The following AATF variants were observed in gnomAD, a reference collection of about 807,000 sequenced individuals.
AATF encodes the protein protein AATF.
Under a neutral mutation model 63.7 loss-of-function variants are expected in AATF, and 48 were observed. That is an observed-to-expected ratio of 0.75 (90% confidence interval 0.60 to 0.96). The LOEUF (loss-of-function observed/expected upper bound fraction) is 0.96, where lower values mean the gene tolerates loss of function less well. Ranked by LOEUF, AATF falls within the 40% of genes least tolerant of loss-of-function variation. The pLI, the probability that AATF is intolerant of heterozygous loss-of-function variation, is 0.00. For missense variants in AATF, 639 were observed against 685.7 expected (o/e 0.93, Z 0.76); for synonymous variants, 258 against 247.7 (o/e 1.04, Z -0.39).
intron 4 of AATF, among the ~76,000 whole-genome samples, chr17:36,970,534 C>CTTTCTTTTTTTTT (rs1567968838): frequency 8.0e-6 from 1 of 125,694 alleles, no homozygotes; most frequent in African/African-American, 5.0e-5. Context: ...TTCTTTCTTT[C>CTTTCTTTTTTTTT]TTTTTTCTTT....
intron 10 of AATF, 156 bp from the exon 11 acceptor site, chr17:37,031,458 A>G (rs1233163141): frequency 5.3e-5 from 35 of 658,196 alleles, no homozygotes; most frequent in South Asian, 2.6e-4. Flanking sequence ...GGTCATCCCA[A>G]TGACAGTGGT....
intron 11 of AATF, among the ~76,000 whole-genome samples, chr17:37,041,289 G>T (rs2071637873): frequency 6.6e-6 from 1 of 152,052 alleles, no homozygotes; most frequent in Non-Finnish European, 1.5e-5. Flanking sequence ...GGACATTTAG[G>T]TTGTTTGTAG....
At chr17:37,056,278 G>C (rs948985126) in intron 11 of AATF, 1 of 263,120 alleles carries the variant, frequency 3.8e-6, no homozygotes, top group Non-Finnish European at 7.2e-6. Context: ...CCTCCTCATC[G>C]GATGGCGGTC....
chr17:36,961,917 T>A (rs953377766), intron 4 of AATF, among the ~76,000 whole-genome samples: 1 of 152,130 alleles, frequency 6.6e-6, no homozygotes, highest in Non-Finnish European at 1.5e-5. Context: ...TCAGGTAATC[T>A]GCCTGTCTCA....
intron 8 of AATF, among the ~76,000 whole-genome samples, chr17:37,000,398 G>T (rs561378418): frequency 2.6e-4 from 39 of 152,276 alleles, no homozygotes; most frequent in African/African-American, 8.4e-4. Context: ...TAGTTTGGAA[G>T]ATAAATCAGG....
At chr17:37,032,679 A>G (rs1039627532) in intron 11 of AATF, among the ~76,000 whole-genome samples, 1 of 152,140 alleles carries the variant, frequency 6.6e-6, no homozygotes, top group Non-Finnish European at 1.5e-5. Context: ...ACAGCATTTC[A>G]TTTCAGTTTT....
chr17:37,001,094 G>A (rs2142263082), intron 8 of AATF, among the ~76,000 whole-genome samples: 1 of 150,808 alleles, frequency 6.6e-6, no homozygotes, highest in African/African-American at 2.4e-5. Context: ...CAAGGTGGGA[G>A]GATTGCTTGA....
intron 10 of AATF, among the ~76,000 whole-genome samples, chr17:37,022,630 C>G (rs185749898): frequency 6.6e-6 from 1 of 152,140 alleles, no homozygotes; most frequent in Admixed American, 6.5e-5. Flanking sequence ...AGTTTGAATC[C>G]CAGCTTTGAC....
chr17:37,020,801 C>T, intron 9 of AATF, 133 bp from the exon 10 acceptor site: 1 of 667,994 alleles, frequency 1.5e-6, no homozygotes, highest in Non-Finnish European at 2.4e-6. Context: ...CAGTTTGGCC[C>T]CAAACTAGCT....
At chr17:37,010,097 T>G (rs1406401941) in intron 8 of AATF, among the ~76,000 whole-genome samples, 3 of 152,096 alleles carry the variant, frequency 2.0e-5, no homozygotes, top group African/African-American at 7.2e-5. Context: ...AACACTGAAA[T>G]GGTATGTGTG....
At chr17:36,977,493 G>A (rs1316352235) in intron 4 of AATF, among the ~76,000 whole-genome samples, 13 of 151,552 alleles carry the variant, frequency 8.6e-5, no homozygotes, top group Admixed American at 1.3e-4. Flanking sequence ...TTTTAAAGAC[G>A]TTATAATATG....
rs200883138 is a variant in AATF, at chr17:36,989,531, CTACTT to C, written c.1314+125_1314+129del. ...GTTAGTGAGAGAAAGGAAAGCAACA[CTACTT>C]TACTGGATTACTGAGAGAAACTTGA... On this transcript the variant is annotated intron_variant, in intron 7 of 11. Coordinates refer to ENST00000619387, the MANE Select transcript of AATF (RefSeq NM_012138.4). 1.8e-3 allele frequency: 1,878 copies of C among 1,044,300 alleles called. 46 individuals carry two copies. The Admixed American group carries it at 0.044, about 24-fold the overall frequency. The allele number at this position is 1,044,300 out of a possible 1,614,324, so 64.7% of individuals were successfully genotyped here.
intron 8 of AATF, among the ~76,000 whole-genome samples, chr17:36,991,250 C>T (rs12941140): frequency 0.34 from 51,331 of 151,986 alleles, 13,090 homozygotes; most frequent in African/African-American, 0.72. Context: ...CCCAGAGTTC[C>T]TGAATTGCGC....
chr17:37,046,887 A>G (rs1743785425), intron 11 of AATF, among the ~76,000 whole-genome samples: 1 of 152,146 alleles, frequency 6.6e-6, no homozygotes, highest in Admixed American at 6.5e-5. Flanking sequence ...TAAGCAGTGA[A>G]GCATCCCCTA....
At chr17:37,016,903 G>C (rs187071027) in intron 8 of AATF, among the ~76,000 whole-genome samples, 1 of 152,260 alleles carries the variant, frequency 6.6e-6, no homozygotes, top group Non-Finnish European at 1.5e-5. Flanking sequence ...GAATAAACTA[G>C]ACCTAGCTAG....
intron 11 of AATF, chr17:37,034,913 C>CA (rs1190145094): frequency 2.0e-5 from 3 of 151,940 alleles, no homozygotes; most frequent in Non-Finnish European, 4.4e-5. Context: ...ATCACGAGGT[C>CA]AGGAGATCAA....
intron 8 of AATF, among the ~76,000 whole-genome samples, chr17:37,004,668 T>C (rs1337804657): frequency 6.6e-6 from 1 of 152,086 alleles, no homozygotes; most frequent in Non-Finnish European, 1.5e-5. Context: ...TATGTTATTT[T>C]ATGGTATTTC....
chr17:36,971,132 A>G (rs1400403933), intron 4 of AATF, among the ~76,000 whole-genome samples: 1 of 152,230 alleles, frequency 6.6e-6, no homozygotes, highest in Non-Finnish European at 1.5e-5. Flanking sequence ...AAATAATGAA[A>G]AGATAAGCTA....
At chr17:36,992,958 G>A (rs1461761729) in intron 8 of AATF, among the ~76,000 whole-genome samples, 2 of 152,166 alleles carry the variant, frequency 1.3e-5, no homozygotes, top group East Asian at 3.9e-4. Context: ...ACTTGTTAAT[G>A]TACAGCATCT....
Sources: gnomAD v4.1 joint callset for allele counts (sites outside exome capture counted in the v4.1 genomes callset) on GRCh38, gnomAD v4.1.1 for gene constraint, MANE v1.5 for transcripts, NCBI Gene and HGNC (gene_info 2026-07-23, HGNC 2026-07-21) for gene names.